DAB1: variants seen among roughly 807,000 people sequenced by gnomAD.
DAB1 encodes the protein DAB adaptor protein 1, also known as disabled homolog 1.
A neutral mutation model predicts 64.6 loss-of-function variants in DAB1; 15 were observed. The ratio of observed to expected loss-of-function variants is 0.23; its 90% CI spans 0.16 to 0.36. The LOEUF is 0.36. DAB1 is among the 10% of genes least tolerant of loss of function. The pLI is 1.00. For synonymous variants in DAB1, 235 were observed against 251.9 expected (o/e 0.93, Z 0.64); for missense variants, 596 against 706.7 (o/e 0.84, Z 1.78).
intron 5 of DAB1, among the ~76,000 whole-genome samples, chr1:57,913,319 C>A (rs892462582): frequency 1.3e-5 from 2 of 152,154 alleles, no homozygotes; most frequent in South Asian, 4.2e-4. Flanking sequence ...TCTTTGACAA[C>A]CCTGACAAAA....
intron 9 of DAB1, among the ~76,000 whole-genome samples, chr1:57,031,841 A>G (rs1646974808): frequency 6.6e-6 from 1 of 152,194 alleles, no homozygotes; most frequent in Non-Finnish European, 1.5e-5. Flanking sequence ...GGCATTTCAA[A>G]TGTCTCCTGG....
At chr1:57,773,193 A>C (rs1224975528) in intron 6 of DAB1, among the ~76,000 whole-genome samples, 2 of 152,172 alleles carry the variant, frequency 1.3e-5, no homozygotes, top group East Asian at 3.9e-4. Flanking sequence ...TTCAGTACTT[A>C]GTTATAAGAG....
intron 1 of DAB1, among the ~76,000 whole-genome samples, chr1:57,304,889 G>T (rs1221039140): frequency 6.6e-6 from 1 of 152,128 alleles, no homozygotes; most frequent in Non-Finnish European, 1.5e-5. Context: ...CTGATCTTCA[G>T]GCTCTAGTTC....
intron 2 of DAB1, among the ~76,000 whole-genome samples, chr1:57,290,535 A>T (rs1672688005): frequency 6.6e-6 from 1 of 152,266 alleles, no homozygotes; most frequent in South Asian, 2.1e-4. Context: ...GTAAACAGGG[A>T]TGGGGAAGGG....
Position 57,436,204 on chromosome 1 carries a change from A to C in DAB1, n.626-145038T>G, listed in dbSNP as rs531367764. Among the ~76,000 whole-genome samples the C allele has an allele frequency of 2.8e-3, 421 of 152,286 alleles. 3 individuals are homozygous for C. The highest frequency in any genetic ancestry group is 5.5e-3 in the Admixed American group (84 of 15,296). On this transcript the variant is annotated intron_variant and non_coding_transcript_variant, in intron 7 of 20. Transcript: ENST00000485760. ...AGTGTTGGGATTACAGGCGTGAGCC[A>C]CCATGCCCGGCTGTGCTAGACTTTT...
At chr1:58,076,257 G>A (rs973782876) in intron 5 of DAB1, among the ~76,000 whole-genome samples, 2 of 152,124 alleles carry the variant, frequency 1.3e-5, no homozygotes, top group Non-Finnish European at 2.9e-5. Flanking sequence ...CCATTTTATA[G>A]ATGAGAAAAT....
intron 3 of DAB1, among the ~76,000 whole-genome samples, chr1:58,399,480 G>A (rs148326347): frequency 2.0e-5 from 3 of 152,260 alleles, no homozygotes; most frequent in Middle Eastern, 3.4e-3. Context: ...GGGAAAGTGC[G>A]ATTTTTAGAT....
At chr1:57,431,920 A>C (rs978948596) in intron 7 of DAB1, among the ~76,000 whole-genome samples, 1 of 152,174 alleles carries the variant, frequency 6.6e-6, no homozygotes, top group Non-Finnish European at 1.5e-5. Flanking sequence ...TCAGGAGTTC[A>C]AGAGCAGCCT....
At chr1:57,307,448 C>G (rs1674281666) in intron 1 of DAB1, 1 of 152,876 alleles carries the variant, frequency 6.5e-6, no homozygotes, top group African/African-American at 2.4e-5. Context: ...CACAATCTTC[C>G]CCACTCCTCC....
intron 1 of DAB1, among the ~76,000 whole-genome samples, chr1:57,292,837 T>C (rs1570186086): frequency 1.3e-5 from 2 of 152,160 alleles, no homozygotes; most frequent in East Asian, 1.9e-4. Context: ...AACACACACA[T>C]GTGAGCAAAA....
intron 4 of DAB1, among the ~76,000 whole-genome samples, chr1:57,084,776 G>T (rs962595730): frequency 3.9e-5 from 6 of 152,256 alleles, no homozygotes; most frequent in African/African-American, 1.2e-4. Flanking sequence ...CAGAAACACA[G>T]AGTGTAGTGC....
chr1:57,707,385 A>G (rs567879675), intron 6 of DAB1, among the ~76,000 whole-genome samples: 1 of 148,104 alleles, frequency 6.8e-6, no homozygotes, highest in East Asian at 2.0e-4. Context: ...GTAGTATTTC[A>G]TAGTACGGAT....
chr1:58,461,402 T>C (rs1227186492), intron 3 of DAB1, among the ~76,000 whole-genome samples: 1 of 152,152 alleles, frequency 6.6e-6, no homozygotes, highest in East Asian at 1.9e-4. Flanking sequence ...CTCATTCTTT[T>C]GGAGCAATTA....
chr1:57,041,048 G>A (rs1393870318), intron 9 of DAB1, among the ~76,000 whole-genome samples: 3 of 152,194 alleles, frequency 2.0e-5, no homozygotes, highest in African/African-American at 7.2e-5. Flanking sequence ...GAGTAGCACA[G>A]GCTCAGGCTG....
intron 6 of DAB1, among the ~76,000 whole-genome samples, chr1:57,781,345 T>G (rs550812271): frequency 6.6e-6 from 1 of 151,704 alleles, no homozygotes; most frequent in African/African-American, 2.4e-5. Context: ...AATCTGGTAT[T>G]ATGGTTGATG....
chr1:57,238,806 C>T (rs779322537), intron 2 of DAB1, among the ~76,000 whole-genome samples: 1 of 151,346 alleles, frequency 6.6e-6, no homozygotes, highest in Non-Finnish European at 1.5e-5. Flanking sequence ...AAAAATAATA[C>T]ACACATACAC....
At chr1:57,252,329 G>A (rs531919776) in intron 2 of DAB1, among the ~76,000 whole-genome samples, 3 of 152,270 alleles carry the variant, frequency 2.0e-5, no homozygotes, top group East Asian at 1.9e-4. Flanking sequence ...TTAGCAACTC[G>A]TAGCTTACCC....
chr1:57,120,358 C>T (rs1201746190), intron 4 of DAB1, among the ~76,000 whole-genome samples: 1 of 152,164 alleles, frequency 6.6e-6, no homozygotes, highest in African/African-American at 2.4e-5. Context: ...ACTGTGAACA[C>T]ACCGGTGAAA....
At chr1:58,072,368 T>C (rs1649330493) in intron 5 of DAB1, among the ~76,000 whole-genome samples, 1 of 152,194 alleles carries the variant, frequency 6.6e-6, no homozygotes, top group African/African-American at 2.4e-5. Context: ...CATTATCCCA[T>C]TTTACAAAAT....
Sources: allele counts gnomAD v4.1 joint callset (sites outside exome capture counted in the v4.1 genomes callset), GRCh38; gene constraint gnomAD v4.1.1; transcripts MANE v1.5; gene names NCBI Gene and HGNC (gene_info 2026-07-23, HGNC 2026-07-21).